CSGALNACT1: variants seen among roughly 807,000 people sequenced by gnomAD.
CSGALNACT1 encodes chondroitin sulfate N-acetylgalactosaminyltransferase 1.
A neutral mutation model predicts 51.0 loss-of-function variants in CSGALNACT1; 52 were observed. The ratio of observed to expected loss-of-function variants is 1.02; its 90% CI spans 0.82 to 1.29. The LOEUF is 1.29. Among genes scored for constraint, CSGALNACT1 ranks in the 50% most tolerant of loss-of-function variants. CSGALNACT1 has a pLI of 0.00. For missense variants in CSGALNACT1, 935 were observed against 679.2 expected, an observed-to-expected ratio of 1.38 and a Z score of -4.19; for synonymous variants, 341 against 254.4, an observed-to-expected ratio of 1.34 and a Z score of -3.24.
chr8:19,564,831 A>C (rs1364115597), intron 3 of CSGALNACT1, among the ~76,000 whole-genome samples: 1 of 152,220 alleles, frequency 6.6e-6, no homozygotes, highest in Non-Finnish European at 1.5e-5. Context: ...TGTAAGCCCC[A>C]TGAAAGCAAA....
intron 4 of CSGALNACT1, among the ~76,000 whole-genome samples, chr8:19,462,348 T>C (rs1197041448): frequency 6.6e-6 from 1 of 151,816 alleles, no homozygotes; most frequent in Non-Finnish European, 1.5e-5. Flanking sequence ...AGGAATGATT[T>C]TTTTTTCCCA....
At chr8:19,709,271 G>C (rs1217967480) in intron 1 of CSGALNACT1, among the ~76,000 whole-genome samples, 1 of 152,152 alleles carries the variant, frequency 6.6e-6, no homozygotes, top group Non-Finnish European at 1.5e-5. Flanking sequence ...AATGCATCTT[G>C]ATATCAGAAT....
At chr8:19,609,973 C>A (rs1266528752) in intron 1 of CSGALNACT1, among the ~76,000 whole-genome samples, 1 of 151,970 alleles carries the variant, frequency 6.6e-6, no homozygotes, top group Non-Finnish European at 1.5e-5. Flanking sequence ...GTAATCCCAG[C>A]AGTTTGGGAG....
intron 4 of CSGALNACT1, among the ~76,000 whole-genome samples, chr8:19,460,866 C>G (rs1037262815): frequency 3.3e-5 from 5 of 152,178 alleles, no homozygotes; most frequent in African/African-American, 1.2e-4. Flanking sequence ...TTTATAGCCT[C>G]TTTGATCCTG....
Position 19,599,247 on chromosome 8 carries a change from T to C in CSGALNACT1, c.-416+2524A>G, listed in dbSNP as rs377267223. Among the ~76,000 whole-genome samples, 30 of 151,720 alleles carry C rather than the reference T, an allele frequency of 2.0e-4. No individual in the cohort carries two copies. The East Asian group carries it at 3.7e-3, about 19-fold the overall frequency. On this transcript the variant is annotated intron_variant, in intron 2 of 9. Coordinates refer to ENST00000454498, the Ensembl canonical transcript of CSGALNACT1. ...CTTTTCTTTGATAGGAGGAAAGCAA[T>C]TAAGGATTTGGAAATGTGGTTCCAT...
At chr8:19,523,674 G>A (rs545707537) in intron 3 of CSGALNACT1, among the ~76,000 whole-genome samples, 2 of 152,086 alleles carry the variant, frequency 1.3e-5, no homozygotes, top group Non-Finnish European at 2.9e-5. Context: ...TTGTATTCAC[G>A]TAATCATCAA....
chr8:19,556,819 C>A (rs939784473), intron 3 of CSGALNACT1, among the ~76,000 whole-genome samples: 1 of 151,990 alleles, frequency 6.6e-6, no homozygotes, highest in Non-Finnish European at 1.5e-5. Flanking sequence ...GGTCAACAGA[C>A]ATTAAAGTAC....
upstream of CSGALNACT1, among the ~76,000 whole-genome samples, chr8:19,686,548 G>T (rs2060988972): frequency 6.6e-6 from 1 of 152,134 alleles, no homozygotes; most frequent in African/African-American, 2.4e-5. Context: ...GCCAATGCCT[G>T]CCTCCTACCA....
intron 3 of CSGALNACT1, among the ~76,000 whole-genome samples, chr8:19,529,400 T>C (rs1159326582): frequency 2.6e-5 from 4 of 152,140 alleles, no homozygotes; most frequent in Non-Finnish European, 5.9e-5. Context: ...CATCAGCTCT[T>C]CCTCCTGGCT....
intron 3 of CSGALNACT1, among the ~76,000 whole-genome samples, chr8:19,514,649 C>A (rs549274972): frequency 8.1e-4 from 118 of 144,798 alleles, no homozygotes; most frequent in African/African-American, 2.8e-3. Context: ...GGTGAAACCC[C>A]GTCTCTACCA....
intron 3 of CSGALNACT1, among the ~76,000 whole-genome samples, chr8:19,548,659 A>G (rs931740118): frequency 6.6e-6 from 1 of 152,212 alleles, no homozygotes; most frequent in African/African-American, 2.4e-5. Context: ...CAAGCACATG[A>G]TTTTAAAATC....
intron 1 of CSGALNACT1, among the ~76,000 whole-genome samples, chr8:19,706,087 T>C (rs1325111885): frequency 6.6e-6 from 1 of 152,072 alleles, no homozygotes; most frequent in East Asian, 1.9e-4. Context: ...CTAAAATAGA[T>C]TTCTCCACCT....
chr8:19,718,486 C>G (rs150922574), intron 1 of CSGALNACT1, among the ~76,000 whole-genome samples: 10 of 152,330 alleles, frequency 6.6e-5, no homozygotes, highest in African/African-American at 2.4e-4. Context: ...GCTATAGCAA[C>G]AAAACGCACA....
chr8:19,476,583 C>A (rs1433402955), intron 4 of CSGALNACT1, among the ~76,000 whole-genome samples: 1 of 152,090 alleles, frequency 6.6e-6, no homozygotes, highest in Non-Finnish European at 1.5e-5. Flanking sequence ...CGCCCAAATT[C>A]TTTGGCAATG....
chr8:19,518,167 C>T (rs770274245), intron 3 of CSGALNACT1, among the ~76,000 whole-genome samples: 4 of 152,200 alleles, frequency 2.6e-5, no homozygotes, highest in Non-Finnish European at 4.4e-5. Context: ...GAAGCAATCA[C>T]TTAGGCAAAT....
chr8:19,582,554 C>G (rs2045803656), intron 3 of CSGALNACT1, among the ~76,000 whole-genome samples: 1 of 152,118 alleles, frequency 6.6e-6, no homozygotes, highest in Non-Finnish European at 1.5e-5. Flanking sequence ...TTGAGTAATT[C>G]AATCCACCCT....
At chr8:19,566,614 A>C (rs1472051547) in intron 3 of CSGALNACT1, among the ~76,000 whole-genome samples, 1 of 152,180 alleles carries the variant, frequency 6.6e-6, no homozygotes, top group African/African-American at 2.4e-5. Context: ...TTGCATTTTA[A>C]ATAAGTATAA....
chr8:19,459,012 T>C (rs1349961265), intron 4 of CSGALNACT1, among the ~76,000 whole-genome samples: 3 of 152,278 alleles, frequency 2.0e-5, no homozygotes, highest in Non-Finnish European at 4.4e-5. Flanking sequence ...GTATCCAAAT[T>C]TCCTGCAATA....
At chr8:19,534,760 TA>T (rs2083428569) in intron 3 of CSGALNACT1, among the ~76,000 whole-genome samples, 3 of 152,142 alleles carry the variant, frequency 2.0e-5, no homozygotes, top group Non-Finnish European at 4.4e-5. Flanking sequence ...TAAAGAGGCG[TA>T]AAAATGCCTA....
Sources: gnomAD v4.1 joint callset for allele counts (sites outside exome capture counted in the v4.1 genomes callset) on GRCh38, gnomAD v4.1.1 for gene constraint, MANE v1.5 for transcripts, NCBI Gene and HGNC (gene_info 2026-07-23, HGNC 2026-07-21) for gene names.